Variants in THRB observed in about 807,000 individuals in gnomAD.
THRB encodes thyroid hormone receptor beta.
THRB carries 12 observed loss-of-function variants against 47.8 expected under a neutral mutation model. The ratio of observed to expected loss-of-function variants is 0.25; its 90% confidence interval spans 0.16 to 0.41. THRB has a LOEUF of 0.41. Among genes scored for constraint, THRB ranks in the 10% least tolerant of loss-of-function variants. THRB has a pLI of 1.00. For synonymous variants in THRB, 218 were observed against 212.2 expected (o/e 1.03, Z -0.24); for missense variants, 348 against 589.2 (o/e 0.59, Z 4.24).
intron 3 of THRB, among the ~76,000 whole-genome samples, chr3:24,285,050 C>A (rs372100062): frequency 8.6e-5 from 13 of 151,898 alleles, no homozygotes; most frequent in African/African-American, 1.2e-4. Flanking sequence ...TAGAACTAGA[C>A]ATACCATTTG....
At chr3:24,492,223 A>T (rs116329340) in intron 1 of THRB, among the ~76,000 whole-genome samples, 5,143 of 152,334 alleles carry the variant, frequency 0.034, 121 homozygotes, top group South Asian at 0.11. Flanking sequence ...GATGCTGGAA[A>T]ATAAGAGTGA....
intron 1 of THRB, among the ~76,000 whole-genome samples, chr3:24,400,509 G>A (rs112660462): frequency 6.6e-6 from 1 of 152,036 alleles, no homozygotes; most frequent in African/African-American, 2.4e-5. Context: ...AACAGCAAAA[G>A]CTTATGAAAA....
At chr3:24,326,754 G>GTTTTTTT (rs1300726453) in intron 2 of THRB, among the ~76,000 whole-genome samples, 2 of 58,968 alleles carry the variant, frequency 3.4e-5, no homozygotes, top group Admixed American at 2.3e-4. Flanking sequence ...GTCCAGTCTT[G>GTTTTTTT]TCTTTTTTTT....
chr3:24,127,226 G>T (rs534391345), intron 10 of THRB, among the ~76,000 whole-genome samples: 61 of 152,308 alleles, frequency 4.0e-4, no homozygotes, highest in Non-Finnish European at 7.5e-4. Flanking sequence ...TACGAAGAGG[G>T]CTGCACAGTA....
intron 4 of THRB, among the ~76,000 whole-genome samples, chr3:24,228,582 G>A (rs7642686): frequency 0.28 from 41,435 of 147,936 alleles, 5,962 homozygotes; most frequent in Middle Eastern, 0.4. Flanking sequence ...GCAGTAAACC[G>A]TGAGTGCACC....
chr3:24,264,897 G>A (rs757207430), intron 3 of THRB, among the ~76,000 whole-genome samples: 32 of 152,282 alleles, frequency 2.1e-4, no homozygotes, highest in Middle Eastern at 3.4e-3. Flanking sequence ...CCGTAGGTGG[G>A]TGGAAGGGAA....
chr3:24,151,994 A>T (rs947434053), intron 6 of THRB, among the ~76,000 whole-genome samples: 1 of 152,204 alleles, frequency 6.6e-6, no homozygotes, highest in East Asian at 1.9e-4. Context: ...GGTAGAGTAA[A>T]CTCTGTCTCC....
At chr3:24,135,820 C>CATATATATAT (rs34338818) in intron 8 of THRB, among the ~76,000 whole-genome samples, 4,813 of 98,062 alleles carry the variant, frequency 0.049, 129 homozygotes, top group Non-Finnish European at 0.067. Context: ...GGCAGAGAGT[C>CATATATATAT]ATATATATAT....
intron 3 of THRB, among the ~76,000 whole-genome samples, chr3:24,274,375 G>A (rs1056219618): frequency 1.3e-5 from 2 of 152,048 alleles, no homozygotes; most frequent in African/African-American, 4.8e-5. Context: ...GGTTACCTAG[G>A]GAAGCAAAAT....
chr3:24,265,328 C>T (rs570729476), intron 3 of THRB, among the ~76,000 whole-genome samples: 55 of 152,216 alleles, frequency 3.6e-4, no homozygotes, highest in Admixed American at 1.2e-3. Context: ...CCAAAGGGCA[C>T]TGATCAAGAC....
At chr3:24,301,866 T>C (rs888759044) in intron 2 of THRB, among the ~76,000 whole-genome samples, 15 of 152,214 alleles carry the variant, frequency 9.9e-5, no homozygotes, top group African/African-American at 3.6e-4. Context: ...GATGTCACTA[T>C]GGAAGAAGGG....
At position 24,135,847 on chromosome 3, in the gene THRB, A is replaced by ATATATATATATATATT. The variant is rs371175625; in HGVS notation, c.739-2386_739-2385insAATATATATATATATA. Among the ~76,000 whole-genome samples the ATATATATATATATATT allele has an allele frequency of 1.2e-3, 151 of 130,946 alleles. 1 individual carries two copies. Among genetic ancestry groups the ATATATATATATATATT allele is most frequent in the African/African-American group, 4.5e-3 (139 of 31,062 alleles). 85.9% of individuals were successfully genotyped at this position (130,946 alleles called of 152,430 possible). ...TATATATATATATATATATATATAT[A>ATATATATATATATATT]ATACATAAATATATATTAATTACAT... On this transcript the variant is annotated intron_variant, in intron 8 of 10. Transcript: ENST00000646209.
At chr3:24,275,322 T>A (rs1447948240) in intron 3 of THRB, among the ~76,000 whole-genome samples, 1 of 152,188 alleles carries the variant, frequency 6.6e-6, no homozygotes, top group Admixed American at 6.5e-5. Flanking sequence ...TTATGCAACA[T>A]TAAAATTGGC....
At chr3:24,352,794 A>C (rs986741070) in intron 1 of THRB, among the ~76,000 whole-genome samples, 1 of 152,180 alleles carries the variant, frequency 6.6e-6, no homozygotes, top group Non-Finnish European at 1.5e-5. Context: ...AACACTCCAA[A>C]ATATTAAGAA....
chr3:24,215,280 A>G (rs1259910434), intron 4 of THRB, among the ~76,000 whole-genome samples: 1 of 152,252 alleles, frequency 6.6e-6, no homozygotes, highest in Non-Finnish European at 1.5e-5. Flanking sequence ...TGATTTAATT[A>G]ATTCACACCA....
chr3:24,483,612 A>G (rs1465990615), intron 1 of THRB, among the ~76,000 whole-genome samples: 1 of 152,258 alleles, frequency 6.6e-6, no homozygotes, highest in Non-Finnish European at 1.5e-5. Flanking sequence ...GGAAATAAAA[A>G]TGATGGTCAA....
intron 2 of THRB, among the ~76,000 whole-genome samples, chr3:24,328,593 C>T (rs1209060009): frequency 6.6e-6 from 1 of 152,154 alleles, no homozygotes; most frequent in Non-Finnish European, 1.5e-5. Context: ...CTCTTGCTTC[C>T]CACATTCTAT....
intron 1 of THRB, among the ~76,000 whole-genome samples, chr3:24,493,270 T>A (rs575598926): frequency 6.6e-5 from 10 of 152,274 alleles, no homozygotes; most frequent in Non-Finnish European, 1.2e-4. Context: ...GGTCAGTCAC[T>A]GAATATTCAG....
At chr3:24,144,395 T>C (rs1160474084) in intron 7 of THRB, 1 of 153,174 alleles carries the variant, frequency 6.5e-6, no homozygotes, top group East Asian at 1.9e-4. Context: ...TCTGATATTA[T>C]TACATTCTAG....
Sources: allele counts gnomAD v4.1 joint callset (sites outside exome capture counted in the v4.1 genomes callset), GRCh38; gene constraint gnomAD v4.1.1; transcripts MANE v1.5; gene names NCBI Gene and HGNC (gene_info 2026-07-23, HGNC 2026-07-21).